MTREX: variants seen among roughly 807,000 people sequenced by gnomAD.
MTREX encodes Mtr4 exosome RNA helicase.
MTREX carries 76 observed loss-of-function variants against 135.4 expected under a neutral mutation model. The ratio of observed to expected loss-of-function variants is 0.56; its 90% CI spans 0.47 to 0.68. The LOEUF is 0.68. MTREX is among the 30% of genes least tolerant of loss of function. The pLI is 0.00. For synonymous variants in MTREX, 404 were observed against 401.6 expected, an observed-to-expected ratio of 1.01 and a Z score of -0.07; for missense variants, 920 against 1,262.1, an observed-to-expected ratio of 0.73 and a Z score of 4.11.
At chr5:55,312,322 A>G (rs548650084) in intron 1 of MTREX, among the ~76,000 whole-genome samples, 3 of 152,204 alleles carry the variant, frequency 2.0e-5, no homozygotes, top group African/African-American at 4.8e-5. Context: ...GGAAGTTTCA[A>G]TGGTGACCAA....
At position 55,361,916 on chromosome 5, in the gene MTREX, GT is replaced by G. The variant is rs1031409493; in HGVS notation, c.1659+3223del. On this transcript the variant is annotated intron_variant, in intron 15 of 26. Coordinates refer to ENST00000230640, the MANE Select transcript of MTREX (RefSeq NM_015360.5). ...CCTTGTTGTTGTTGTTTGTTTGTTT[GT>G]TTTTGTTTTTGTTTTTGGAGACAAG... 1.0e-4 allele frequency among the ~76,000 whole-genome samples: 15 copies of G among 150,642 alleles called. 1 individual carries two copies. The Middle Eastern group carries it at 0.017, about 174-fold the overall frequency.
At chr5:55,369,606 AT>A (rs1242989288) in intron 16 of MTREX, among the ~76,000 whole-genome samples, 4 of 152,224 alleles carry the variant, frequency 2.6e-5, no homozygotes, top group African/African-American at 9.6e-5. Flanking sequence ...ATTGTTCAGT[AT>A]GACTTAGAGC....
rs1263370951 is a variant in MTREX, at chr5:55,390,477, A to AGT, written c.2181+2386_2181+2387dup. On this transcript the variant is annotated intron_variant, in intron 19 of 26. Coordinates refer to ENST00000230640, the MANE Select transcript of MTREX (RefSeq NM_015360.5). ...ACTTACTTTTCTAAAAAAGGCTTAG[A>AGT]GTGTGTGTGTGTCTGTGTGTAGAGG... 4.6e-5 allele frequency among the ~76,000 whole-genome samples: 7 copies of AGT among 152,158 alleles called. No homozygotes were observed. The East Asian group carries it at 7.7e-4, about 17-fold the overall frequency.
chr5:55,401,965 G>A (rs571858840), intron 21 of MTREX, among the ~76,000 whole-genome samples: 1 of 152,138 alleles, frequency 6.6e-6, no homozygotes, highest in African/African-American at 2.4e-5. Flanking sequence ...TCACAAACTA[G>A]ATTTTAAGCT....
intron 7 of MTREX, 95 bp downstream of exon 7, chr5:55,341,866 TG>T: frequency 1.6e-6 from 1 of 620,352 alleles, no homozygotes. Flanking sequence ...TTCTAGTTTT[TG>T]TGTGGCTAGG....
In MTREX at chr5:55,390,924, G is replaced by A. The variant is rs146633322; in HGVS notation, c.2181+2822G>A. On this transcript the variant is annotated intron_variant, in intron 19 of 26. Transcript: ENST00000230640. ...TTTTTTGAGGGGGTCAACTTTGAACGTATTTTAAATTGCTGATTTAAACCC... is the reference window on the plus strand; with the variant it reads ...TTTTTTGAGGGGGTCAACTTTGAACATATTTTAAATTGCTGATTTAAACCC... Among the ~76,000 whole-genome samples the A allele has an allele frequency of 1.4e-3, 209 of 152,196 alleles. 2 individuals carry two copies. In the Middle Eastern group the frequency reaches 0.024, roughly 17 times the overall value.
At position 55,425,072 on chromosome 5, in the gene MTREX, G is replaced by A; in HGVS notation, c.*300G>A. On this transcript the variant is annotated 3_prime_UTR_variant, in exon 27 of 27. Transcript: ENST00000230640. ...AGGTAACTATGTACACACAAAGTGT[G>A]CATCCAAGAGGCATAGCAGCAGCAG... 1.7e-6 allele frequency: 2 copies of A among 1,166,198 alleles called. No homozygotes were observed. Among genetic ancestry groups the A allele is most frequent in the Non-Finnish European group, 2.4e-6 (2 of 827,264 alleles). The allele number at this position is 1,166,198 out of a possible 1,614,324, so 72.2% of individuals were successfully genotyped here.
At chr5:55,348,302 C>A (rs1404696878) in intron 11 of MTREX, among the ~76,000 whole-genome samples, 1 of 152,150 alleles carries the variant, frequency 6.6e-6, no homozygotes, top group East Asian at 1.9e-4. Flanking sequence ...AACTAACCCA[C>A]TCCTCTGATA....
In MTREX at chr5:55,349,554, C is replaced by T. The variant is rs778555147; in HGVS notation, c.1241-19C>T. 16 of 1,341,422 alleles carry T rather than the reference C, an allele frequency of 1.2e-5. No homozygotes were observed. Among genetic ancestry groups the T allele is most frequent in the Admixed American group, 5.1e-5 (3 of 58,466 alleles). 83.1% of individuals were successfully genotyped at this position (1,341,422 alleles called of 1,614,324 possible). On this transcript the variant is annotated intron_variant, in intron 11 of 26. Coordinates refer to ENST00000230640, the MANE Select transcript of MTREX (RefSeq NM_015360.5). Reference sequence around the variant, plus strand: ...ACTAACTCATTTTGATATTTCTGTACCCTTGAATTTTCTCCTAGATGAAGA... The same window carrying T: ...ACTAACTCATTTTGATATTTCTGTATCCTTGAATTTTCTCCTAGATGAAGA...
At chr5:55,316,604 T>C (rs140087018) in intron 1 of MTREX, among the ~76,000 whole-genome samples, 1 of 152,196 alleles carries the variant, frequency 6.6e-6, no homozygotes, top group African/African-American at 2.4e-5. Context: ...TTAAAAACTC[T>C]CAGTAACCTA....
intron 1 of MTREX, among the ~76,000 whole-genome samples, 173 bp from the exon 2 acceptor site, chr5:55,322,154 A>G (rs1749299641): frequency 6.6e-6 from 1 of 152,216 alleles, no homozygotes; most frequent in South Asian, 2.1e-4. Context: ...TAAAGTATTC[A>G]GTTTTACTAG....
At chr5:55,369,478 A>T (rs35761182) in intron 16 of MTREX, among the ~76,000 whole-genome samples, 1 of 152,180 alleles carries the variant, frequency 6.6e-6, no homozygotes, top group Admixed American at 6.5e-5. Flanking sequence ...TTACATTCTG[A>T]TAAGCAGTAA....
At chr5:55,368,205 T>A (rs1239469228) in intron 16 of MTREX, among the ~76,000 whole-genome samples, 1 of 152,186 alleles carries the variant, frequency 6.6e-6, no homozygotes, top group Non-Finnish European at 1.5e-5. Flanking sequence ...ATCCTAGCAC[T>A]TTGCGAGGCC....
At chr5:55,402,810 T>C (rs907076042) in intron 21 of MTREX, among the ~76,000 whole-genome samples, 3 of 144,126 alleles carry the variant, frequency 2.1e-5, no homozygotes, top group Non-Finnish European at 1.5e-5. Context: ...TATATAAATA[T>C]AAGCACATTA....
chr5:55,407,248 A>G (rs988005968), intron 22 of MTREX, among the ~76,000 whole-genome samples: 4 of 152,034 alleles, frequency 2.6e-5, no homozygotes, highest in East Asian at 1.9e-4. Context: ...GAACAGGACA[A>G]CTCTTAGCCA....
intron 1 of MTREX, among the ~76,000 whole-genome samples, chr5:55,318,534 C>G (rs1749235420): frequency 6.6e-6 from 1 of 152,248 alleles, no homozygotes; most frequent in East Asian, 1.9e-4. Flanking sequence ...AAACCAAATA[C>G]CGCATGTTCT....
intron 25 of MTREX, among the ~76,000 whole-genome samples, chr5:55,418,025 G>A (rs1750997569): frequency 6.6e-6 from 1 of 151,444 alleles, no homozygotes; most frequent in Admixed American, 6.6e-5. Flanking sequence ...AGGAGGTCAG[G>A]AAATCGAGAC....
intron 21 of MTREX, among the ~76,000 whole-genome samples, chr5:55,402,875 T>TAG (rs1750746741): frequency 6.6e-6 from 1 of 150,766 alleles, no homozygotes; most frequent in African/African-American, 2.4e-5. Flanking sequence ...TGTGTGTGTA[T>TAG]ATATATAATT....
rs532252329 is a variant in MTREX at position 55,328,893 on chromosome 5, G to C, written c.515+82G>C. ...CTTTTTTGCTGTTTGATTTCTGCTA[G>C]TGAAGATGGTTTTACTTGTCCCTTT... On this transcript the variant is annotated intron_variant, in intron 5 of 26. Coordinates refer to ENST00000230640, the MANE Select transcript of MTREX (RefSeq NM_015360.5). The C allele has an allele frequency of 3.7e-6, 3 of 807,232 alleles. No individual in the cohort carries two copies. The South Asian group carries it at 5.1e-5, about 14-fold the overall frequency. 50.0% of individuals were successfully genotyped at this position (807,232 alleles called of 1,614,324 possible).
Sources: gnomAD v4.1 joint callset for allele counts (sites outside exome capture counted in the v4.1 genomes callset) on GRCh38, gnomAD v4.1.1 for gene constraint, MANE v1.5 for transcripts, NCBI Gene and HGNC (gene_info 2026-07-23, HGNC 2026-07-21) for gene names.